MAGI1: variants seen among roughly 807,000 people sequenced by gnomAD.
MAGI1 encodes the protein membrane-associated guanylate kinase, WW and PDZ domain-containing protein 1.
A neutral mutation model predicts 139.9 loss-of-function variants in MAGI1; 58 were observed. The observed-to-expected ratio is 0.41, with a 90% CI of 0.34 to 0.52. MAGI1 has a LOEUF of 0.52. MAGI1 is among the 20% of genes least tolerant of loss of function. The pLI is 0.12. For synonymous variants in MAGI1, 812 were observed against 737.9 expected (o/e 1.10, Z -1.63); for missense variants, 1,874 against 1,901.6 (o/e 0.99, Z 0.27).
chr3:65,440,796 T>C (rs1191919641), intron 8 of MAGI1, among the ~76,000 whole-genome samples: 1 of 150,702 alleles, frequency 6.6e-6, no homozygotes, highest in Non-Finnish European at 1.5e-5. Context: ...TATATACACA[T>C]ATATATGTAT....
chr3:65,815,442 T>C (rs540177649), intron 1 of MAGI1, among the ~76,000 whole-genome samples: 70 of 152,240 alleles, frequency 4.6e-4, no homozygotes, highest in African/African-American at 1.5e-3. Context: ...ATAGATGCCT[T>C]CCTACGCCAA....
At chr3:65,459,888 G>A (rs1028917826) in intron 5 of MAGI1, among the ~76,000 whole-genome samples, 17 of 151,982 alleles carry the variant, frequency 1.1e-4, no homozygotes, top group African/African-American at 4.1e-4. Flanking sequence ...TAACACCACT[G>A]CACTCCAACA....
Position 65,798,101 on chromosome 3 carries a change from G to A in MAGI1, c.314-176013C>T, listed in dbSNP as rs1419313452. Among the ~76,000 whole-genome samples the A allele has an allele frequency of 2.6e-5, 4 of 151,946 alleles. No homozygotes were observed. The East Asian group carries it at 5.8e-4, about 22-fold the overall frequency. ...CAGGCAGATCACGAGGTCAAGAGAT[G>A]GAGACCATCCTGGCCAACATGGTGA... is the stretch of plus-strand genomic sequence containing the variant. On this transcript the variant is annotated intron_variant, in intron 1 of 22. Transcript: ENST00000402939.
rs1940112221 is a variant in MAGI1, at chr3:65,354,399, A to C, written c.*1979T>G. ...CTACTCATTCTAATGTTATGTATAA[A>C]CCCATAAGTCAAATAAAGCTATGAA... On this transcript the variant is annotated 3_prime_UTR_variant, in exon 23 of 23. Transcript: ENST00000402939. 1 of 152,658 alleles carries C rather than the reference A, an allele frequency of 6.6e-6. No homozygotes were observed. 9.5% of individuals were successfully genotyped at this position (152,658 alleles called of 1,614,324 possible). A position where few individuals can be genotyped will look rare whatever the true frequency, so the allele number is the denominator to read the frequency against.
intron 5 of MAGI1, among the ~76,000 whole-genome samples, chr3:65,469,351 T>C (rs1000529160): frequency 1.3e-5 from 2 of 152,160 alleles, no homozygotes; most frequent in African/African-American, 2.4e-5. Context: ...TTTTTCTTTC[T>C]CAGTGGTACA....
chr3:65,847,139 A>C (rs17379928), intron 1 of MAGI1, among the ~76,000 whole-genome samples: 124 of 152,332 alleles, frequency 8.1e-4, no homozygotes, highest in African/African-American at 2.8e-3. Context: ...CACTAGAGGC[A>C]ATTTTCTTTC....
rs1026108786 is a variant in MAGI1 at position 65,870,758 on chromosome 3, A to T, written c.313+167238T>A. Among the ~76,000 whole-genome samples the T allele has an allele frequency of 4.0e-5, 6 of 151,404 alleles. No individual in the cohort carries two copies. In the East Asian group the frequency reaches 9.8e-4, roughly 25 times the overall value. ...AAGAATGAAAAGGAAATGAAGAAAGACTAAGACTTTTATATGTTCCTACAA... is the reference window on the plus strand; with the variant it reads ...AAGAATGAAAAGGAAATGAAGAAAGTCTAAGACTTTTATATGTTCCTACAA... On this transcript the variant is annotated intron_variant, in intron 1 of 22. Transcript: ENST00000402939.
intron 2 of MAGI1, among the ~76,000 whole-genome samples, chr3:65,557,387 C>T (rs1227884303): frequency 6.6e-6 from 1 of 152,214 alleles, no homozygotes; most frequent in Non-Finnish European, 1.5e-5. Flanking sequence ...AAAGTCCATC[C>T]TTCAGCCCCA....
chr3:65,828,467 C>G (rs2108284183), intron 1 of MAGI1, among the ~76,000 whole-genome samples: 1 of 152,248 alleles, frequency 6.6e-6, no homozygotes, highest in South Asian at 2.1e-4. Context: ...TAAACAGCCC[C>G]TTTTTTCAGT....
intron 1 of MAGI1, among the ~76,000 whole-genome samples, chr3:65,853,649 C>CA (rs2059281254): frequency 1.3e-5 from 2 of 152,096 alleles, no homozygotes; most frequent in African/African-American, 4.8e-5. Flanking sequence ...GAGACGTATC[C>CA]AAAAAAGGGC....
At chr3:65,466,992 C>G (rs12632202) in intron 5 of MAGI1, among the ~76,000 whole-genome samples, 89,208 of 152,072 alleles carry the variant, frequency 0.59, 26,803 homozygotes, top group East Asian at 0.94. Flanking sequence ...AGAGAGAGCA[C>G]GCTTTTATCA....
rs141756871 is a variant in MAGI1 at position 65,915,428 on chromosome 3, T to C, written c.313+122568A>G. 1.6e-4 allele frequency among the ~76,000 whole-genome samples: 25 copies of C among 152,368 alleles called. No homozygotes were observed. In the East Asian group the frequency reaches 4.6e-3, roughly 28 times the overall value. ...TTCACACCCGTTCAAGTTACTCTTC[T>C]CACCTTGTCTTCCAGCAGATGATCT... is the stretch of plus-strand genomic sequence containing the variant. On this transcript the variant is annotated intron_variant, in intron 1 of 22. Transcript: ENST00000402939.
intron 1 of MAGI1, among the ~76,000 whole-genome samples, chr3:66,037,125 G>C (rs1300677690): frequency 6.6e-6 from 1 of 152,116 alleles, no homozygotes; most frequent in African/African-American, 2.4e-5. Flanking sequence ...GTGTGACCTT[G>C]AGCAAGTCAC....
chr3:65,356,340 C>T lies in MAGI1; in HGVS notation c.*38G>A. On this transcript the variant is annotated 3_prime_UTR_variant, in exon 23 of 23. Coordinates refer to ENST00000402939, the MANE Select transcript of MAGI1 (RefSeq NM_001033057.2). ...CAGGTTTGTGACTTTCCTCTTAGAACCTTTGACACGGTAAAGGTTGGAATG... is the reference window on the plus strand; with the variant it reads ...CAGGTTTGTGACTTTCCTCTTAGAATCTTTGACACGGTAAAGGTTGGAATG... 2 of 1,517,282 alleles carry T rather than the reference C, an allele frequency of 1.3e-6. No homozygotes were observed. The highest frequency in any genetic ancestry group is 2.3e-5 in the East Asian group (1 of 43,266). 94.0% of individuals were successfully genotyped at this position (1,517,282 alleles called of 1,614,324 possible).
At chr3:65,553,625 G>A (rs547822380) in intron 2 of MAGI1, among the ~76,000 whole-genome samples, 1 of 152,298 alleles carries the variant, frequency 6.6e-6, no homozygotes, top group East Asian at 1.9e-4. Context: ...TAACAGCGGT[G>A]CAAGGGGACA....
intron 2 of MAGI1, among the ~76,000 whole-genome samples, chr3:65,596,580 C>T (rs1373097278): frequency 1.3e-5 from 2 of 152,176 alleles, no homozygotes; most frequent in Admixed American, 6.5e-5. Flanking sequence ...AAATCCACTC[C>T]CTTTGTGTGT....
intron 1 of MAGI1, among the ~76,000 whole-genome samples, chr3:65,934,078 G>A (rs747362103): frequency 2.6e-5 from 4 of 152,064 alleles, no homozygotes; most frequent in Non-Finnish European, 5.9e-5. Flanking sequence ...CTGAGATCGC[G>A]CCACTGCACT....
At chr3:65,720,642 T>C (rs377209996) in intron 1 of MAGI1, among the ~76,000 whole-genome samples, 5 of 152,268 alleles carry the variant, frequency 3.3e-5, no homozygotes, top group African/African-American at 1.2e-4. Flanking sequence ...CACGTAAAGC[T>C]TCCCTTTCAT....
chr3:65,550,413 T>G (rs537602030), intron 2 of MAGI1, among the ~76,000 whole-genome samples: 2 of 152,290 alleles, frequency 1.3e-5, no homozygotes, highest in South Asian at 2.1e-4. Flanking sequence ...CACACCCTTT[T>G]GAGTTCTGGA....
Sources: gnomAD v4.1 joint callset for allele counts (sites outside exome capture counted in the v4.1 genomes callset) on GRCh38, gnomAD v4.1.1 for gene constraint, MANE v1.5 for transcripts, NCBI Gene and HGNC (gene_info 2026-07-23, HGNC 2026-07-21) for gene names.